The following BCAR3 variants were observed in gnomAD, a reference collection of about 807,000 sequenced individuals.
The protein encoded by BCAR3 is breast cancer anti-estrogen resistance protein 3.
Under a neutral mutation model 80.1 loss-of-function variants are expected in BCAR3, and 37 were observed. The observed-to-expected ratio is 0.46, with a 90% CI of 0.36 to 0.61. BCAR3 has a LOEUF of 0.61. Among genes scored for constraint, BCAR3 ranks in the 20% least tolerant of loss-of-function variants. The pLI is 0.00. For missense variants in BCAR3, 978 were observed against 1,068.2 expected, an observed-to-expected ratio of 0.92 and a Z score of 1.18; for synonymous variants, 389 against 418.9, an observed-to-expected ratio of 0.93 and a Z score of 0.87.
Position 93,729,312 on chromosome 1 carries a change from G to A in BCAR3, c.-62-23170C>T, listed in dbSNP as rs185352401. Among the ~76,000 whole-genome samples, 380 of 152,064 alleles carry A rather than the reference G, an allele frequency of 2.5e-3. 1 individual carries two copies. Among genetic ancestry groups the A allele is most frequent in the African/African-American group, 8.6e-3 (358 of 41,456 alleles). ...AAACACTCACGTTAGCCTAGAGTTG[G>A]GGAAAATCATCTAGTATAAAGCCTA... On this transcript the variant is annotated intron_variant, in intron 2 of 13. Coordinates refer to the BCAR3 transcript ENST00000370244.
intron 2 of BCAR3, among the ~76,000 whole-genome samples, chr1:93,755,611 A>C (rs1055288579): frequency 2.6e-5 from 4 of 152,220 alleles, no homozygotes; most frequent in Non-Finnish European, 5.9e-5. Flanking sequence ...AGAGGTATGC[A>C]GCAGGTTATA....
At chr1:93,725,068 C>T (rs998440481) in intron 2 of BCAR3, among the ~76,000 whole-genome samples, 4 of 152,320 alleles carry the variant, frequency 2.6e-5, no homozygotes, top group African/African-American at 9.6e-5. Flanking sequence ...CTTTGTCTTT[C>T]GTAGCCCACA....
chr1:93,775,964 G>A (rs115940993), intron 2 of BCAR3, among the ~76,000 whole-genome samples: 3,176 of 152,250 alleles, frequency 0.021, 42 homozygotes, highest in Non-Finnish European at 0.033. Flanking sequence ...TATAATAAAA[G>A]GGGTTTTGAA....
intron 3 of BCAR3, among the ~76,000 whole-genome samples, chr1:93,636,266 A>G (rs779081001): frequency 6.6e-6 from 1 of 152,210 alleles, no homozygotes; most frequent in Non-Finnish European, 1.5e-5. Context: ...ACTCAGGATA[A>G]CAGCTGCAGC....
intron 2 of BCAR3, among the ~76,000 whole-genome samples, chr1:93,835,337 G>C (rs906323445): frequency 6.6e-6 from 1 of 152,144 alleles, no homozygotes; most frequent in African/African-American, 2.4e-5. Flanking sequence ...AGATCCCATC[G>C]CTCAGGGCAA....
chr1:93,667,275 G>A (rs1262149657), intron 2 of BCAR3, among the ~76,000 whole-genome samples: 1 of 152,226 alleles, frequency 6.6e-6, no homozygotes, highest in East Asian at 1.9e-4. Flanking sequence ...TGGGAGCTAG[G>A]AGCAGGCATG....
At chr1:93,630,643 AAAAT>A (rs1675590518) in intron 3 of BCAR3, among the ~76,000 whole-genome samples, 2 of 152,174 alleles carry the variant, frequency 1.3e-5, no homozygotes, top group African/African-American at 4.8e-5. Context: ...CAAAAAAAAT[AAAAT>A]AAATAAAATT....
chr1:93,777,579 G>T (rs941481984), intron 2 of BCAR3, among the ~76,000 whole-genome samples: 7 of 149,780 alleles, frequency 4.7e-5, no homozygotes, highest in African/African-American at 1.8e-4. Flanking sequence ...GCACCACTGT[G>T]CCTGGCTAAT....
At chr1:93,704,531 G>T (rs1330602689) in intron 3 of BCAR3, among the ~76,000 whole-genome samples, 1 of 152,182 alleles carries the variant, frequency 6.6e-6, no homozygotes, top group Non-Finnish European at 1.5e-5. Context: ...ATTCCAGCTG[G>T]TGCCATAGCC....
intron 2 of BCAR3, among the ~76,000 whole-genome samples, chr1:93,779,250 C>A (rs1213712196): frequency 6.6e-6 from 1 of 152,182 alleles, no homozygotes; most frequent in Non-Finnish European, 1.5e-5. Context: ...AGATGCCATT[C>A]CTGAGGTCCA....
chr1:93,600,447 A>C (rs928818761), intron 3 of BCAR3, among the ~76,000 whole-genome samples: 7 of 152,196 alleles, frequency 4.6e-5, no homozygotes, highest in Non-Finnish European at 1.0e-4. Context: ...TGCCATTATG[A>C]AGTGGGTTCC....
chr1:93,754,760 C>A (rs1475828546), intron 2 of BCAR3, among the ~76,000 whole-genome samples: 3 of 152,044 alleles, frequency 2.0e-5, no homozygotes, highest in African/African-American at 7.2e-5. Flanking sequence ...GTAGAGTACT[C>A]CATAATTGAT....
intron 3 of BCAR3, among the ~76,000 whole-genome samples, chr1:93,621,235 A>G (rs562018522): frequency 9.3e-4 from 142 of 152,382 alleles, no homozygotes; most frequent in African/African-American, 3.3e-3. Flanking sequence ...TAAGCTGATC[A>G]TGGGCATTAC....
At chr1:93,697,965 C>A (rs1351136265) in intron 3 of BCAR3, among the ~76,000 whole-genome samples, 1 of 152,118 alleles carries the variant, frequency 6.6e-6, no homozygotes, top group Non-Finnish European at 1.5e-5. Context: ...GCAACAAGAG[C>A]AAAACTCTGT....
chr1:93,801,988 C>G (rs34028800), intron 2 of BCAR3, among the ~76,000 whole-genome samples: 1 of 151,840 alleles, frequency 6.6e-6, no homozygotes, highest in South Asian at 2.1e-4. Context: ...TGTGGCAGCA[C>G]GTGCCTGTAA....
At chr1:93,847,346 G>T (rs1200389427), upstream of BCAR3, 1 of 156,864 alleles carries the variant, frequency 6.4e-6, no homozygotes, top group African/African-American at 2.4e-5. Flanking sequence ...CGACCAGGTG[G>T]GACCGTCGGA....
chr1:93,593,652 G>C (rs1395280181), intron 3 of BCAR3, among the ~76,000 whole-genome samples: 1 of 152,132 alleles, frequency 6.6e-6, no homozygotes, highest in South Asian at 2.1e-4. Flanking sequence ...TGGGATTACA[G>C]GCGTGAGCCA....
intron 2 of BCAR3, among the ~76,000 whole-genome samples, chr1:93,667,828 T>A (rs1647999345): frequency 6.6e-6 from 1 of 152,192 alleles, no homozygotes; most frequent in African/African-American, 2.4e-5. Flanking sequence ...CTCAGGCCGG[T>A]CTGGCCACCT....
At chr1:93,563,786 G>A (rs1330108802) in intron 11 of BCAR3, among the ~76,000 whole-genome samples, 6 of 152,152 alleles carry the variant, frequency 3.9e-5, no homozygotes, top group African/African-American at 4.8e-5. Flanking sequence ...TCTACCTCTC[G>A]GGTTCAAGCA....
Sources: gnomAD v4.1 joint callset for allele counts (sites outside exome capture counted in the v4.1 genomes callset) on GRCh38, gnomAD v4.1.1 for gene constraint, MANE v1.5 for transcripts, NCBI Gene and HGNC (gene_info 2026-07-23, HGNC 2026-07-21) for gene names.